MDGA2: variants seen among roughly 807,000 people sequenced by gnomAD.
The protein encoded by MDGA2 is MAM domain-containing glycosylphosphatidylinositol anchor protein 2.
Under a neutral mutation model 117.8 loss-of-function variants are expected in MDGA2, and 40 were observed. The ratio of observed to expected loss-of-function variants is 0.34; its 90% CI spans 0.26 to 0.44. The LOEUF is 0.44. Among genes scored for constraint, MDGA2 ranks in the 20% least tolerant of loss-of-function variants. The pLI, the probability that MDGA2 is intolerant of heterozygous loss-of-function variation, is 1.00. For missense variants in MDGA2, 1,123 were observed against 1,250.6 expected (o/e 0.90, Z 1.54); for synonymous variants, 452 against 439.0 (o/e 1.03, Z -0.37).
chr14:47,206,328 T>C (rs1439938013), intron 3 of MDGA2, among the ~76,000 whole-genome samples: 1 of 151,902 alleles, frequency 6.6e-6, no homozygotes, highest in Non-Finnish European at 1.5e-5. Flanking sequence ...TGGTGGCTCA[T>C]GCCTGTGATC....
At chr14:47,023,407 G>A (rs1318342810) in intron 8 of MDGA2, among the ~76,000 whole-genome samples, 2 of 152,056 alleles carry the variant, frequency 1.3e-5, no homozygotes, top group Middle Eastern at 3.2e-3. Flanking sequence ...CAACCTTAAG[G>A]AGTACTACTA....
chr14:47,274,730 T>C (rs1003445829), intron 2 of MDGA2, among the ~76,000 whole-genome samples: 4 of 152,158 alleles, frequency 2.6e-5, no homozygotes, highest in Non-Finnish European at 4.4e-5. Flanking sequence ...GCACTTGTTA[T>C]TGACCTTATT....
At chr14:47,602,379 C>T (rs929356816) in intron 1 of MDGA2, among the ~76,000 whole-genome samples, 2 of 152,024 alleles carry the variant, frequency 1.3e-5, no homozygotes, top group African/African-American at 2.4e-5. Context: ...ACAGCATTAA[C>T]TCTGATCAGA....
chr14:46,912,445 G>T (rs1346186194), intron 10 of MDGA2, among the ~76,000 whole-genome samples: 1 of 152,032 alleles, frequency 6.6e-6, no homozygotes, highest in Admixed American at 6.6e-5. Flanking sequence ...ACATATTGAA[G>T]AAAAAGTGTT....
At chr14:47,032,470 C>G (rs1279646596) in intron 8 of MDGA2, among the ~76,000 whole-genome samples, 1 of 151,906 alleles carries the variant, frequency 6.6e-6, no homozygotes, top group Non-Finnish European at 1.5e-5. Context: ...ACTTGTAGTC[C>G]CAGCTACTCA....
rs956015017 is a variant in MDGA2, at chr14:47,486,166, G to A, written c.281-184616C>T. On this transcript the variant is annotated intron_variant, in intron 1 of 16. Transcript: ENST00000399232. ...GGCTATACCCTGCAAAGCCACAGGG[G>A]CAGAGCTGACCAAGACTATGGGAAT... Among the ~76,000 whole-genome samples the A allele has an allele frequency of 1.3e-5, 2 of 152,216 alleles. 1 individual carries two copies. Among genetic ancestry groups the A allele is most frequent in the East Asian group, 3.9e-4 (2 of 5,186 alleles).
In MDGA2 at chr14:47,634,150, T is replaced by A. The variant is rs1594954344; in HGVS notation, c.280+40367A>T. ...TAAATATAAAAAGAAAAAAGCCAAATGCACCATTTGTTGTAATTTTTTGCT... is the reference window on the plus strand; with the variant it reads ...TAAATATAAAAAGAAAAAAGCCAAAAGCACCATTTGTTGTAATTTTTTGCT... On this transcript the variant is annotated intron_variant, in intron 1 of 16. Transcript: ENST00000399232. 2.0e-5 allele frequency among the ~76,000 whole-genome samples: 3 copies of A among 152,192 alleles called. No individual in the cohort carries two copies. The East Asian group carries it at 5.8e-4, about 29-fold the overall frequency.
chr14:47,384,158 C>T (rs188036796), intron 1 of MDGA2, among the ~76,000 whole-genome samples: 1 of 151,820 alleles, frequency 6.6e-6, no homozygotes, highest in East Asian at 1.9e-4. Context: ...TAAAATAGAA[C>T]CTGATAATCA....
rs550628792 is a variant in MDGA2, at chr14:46,918,718, A to C, written c.2238+1294T>G. 7.3e-5 allele frequency among the ~76,000 whole-genome samples: 11 copies of C among 151,234 alleles called. No individual in the cohort carries two copies. The South Asian group carries it at 2.3e-3, about 32-fold the overall frequency. ...GAAAAGCTCTTTCACTTTTTTGAGAATCTTAAACAGGGTGAATAAGAATAT... is the reference window on the plus strand; with the variant it reads ...GAAAAGCTCTTTCACTTTTTTGAGACTCTTAAACAGGGTGAATAAGAATAT... On this transcript the variant is annotated intron_variant, in intron 10 of 16. Coordinates refer to ENST00000399232, the MANE Select transcript of MDGA2 (RefSeq NM_001113498.3).
intron 1 of MDGA2, among the ~76,000 whole-genome samples, chr14:47,364,156 G>A (rs1431517222): frequency 3.3e-5 from 5 of 152,108 alleles, no homozygotes; most frequent in African/African-American, 1.2e-4. Context: ...TTTCCTCTGA[G>A]TTTATTGTTT....
chr14:46,935,044 G>C (rs868672543), intron 9 of MDGA2, among the ~76,000 whole-genome samples: 2 of 151,622 alleles, frequency 1.3e-5, no homozygotes. Context: ...AAAAAAAAAA[G>C]AGTTATGCCA....
intron 1 of MDGA2, among the ~76,000 whole-genome samples, chr14:47,502,155 G>C (rs1894412518): frequency 6.6e-6 from 1 of 152,074 alleles, no homozygotes; most frequent in Non-Finnish European, 1.5e-5. Context: ...TGTAGCCTCT[G>C]CTACTCAGGA....
At chr14:47,219,663 GA>G (rs1248838098) in intron 2 of MDGA2, among the ~76,000 whole-genome samples, 1 of 151,862 alleles carries the variant, frequency 6.6e-6, no homozygotes, top group East Asian at 1.9e-4. Flanking sequence ...TGTAACATTG[GA>G]AATGATATAA....
chr14:47,523,072 T>A (rs1310206838), intron 1 of MDGA2, among the ~76,000 whole-genome samples: 5 of 152,214 alleles, frequency 3.3e-5, no homozygotes, highest in Non-Finnish European at 5.9e-5. Flanking sequence ...TATTGTTGTG[T>A]ACATTTATAT....
At chr14:47,455,243 C>G (rs926422959) in intron 1 of MDGA2, among the ~76,000 whole-genome samples, 1 of 152,116 alleles carries the variant, frequency 6.6e-6, no homozygotes, top group Non-Finnish European at 1.5e-5. Context: ...CGGTGGCTCA[C>G]GCCTATAATC....
At chr14:46,959,212 T>G (rs1885683680) in intron 8 of MDGA2, among the ~76,000 whole-genome samples, 1 of 146,360 alleles carries the variant, frequency 6.8e-6, no homozygotes, top group African/African-American at 2.5e-5. Context: ...TATTGAATAT[T>G]TATCACTATA....
chr14:46,875,308 T>C (rs1385698796), intron 12 of MDGA2, among the ~76,000 whole-genome samples: 1 of 151,776 alleles, frequency 6.6e-6, no homozygotes, highest in African/African-American at 2.4e-5. Context: ...CTGAATTAAT[T>C]GAAAATTTTT....
At chr14:47,328,854 C>T (rs745794761) in intron 1 of MDGA2, among the ~76,000 whole-genome samples, 8 of 151,776 alleles carry the variant, frequency 5.3e-5, no homozygotes, top group Non-Finnish European at 1.0e-4. Context: ...ATTAAGATTG[C>T]GGAGAATATA....
chr14:47,149,978 C>T (rs1027867245), intron 3 of MDGA2, among the ~76,000 whole-genome samples: 6 of 152,228 alleles, frequency 3.9e-5, no homozygotes, highest in African/African-American at 1.2e-4. Flanking sequence ...CTTAGAAGCC[C>T]AACAATTCCA....
Sources: allele counts gnomAD v4.1 joint callset (sites outside exome capture counted in the v4.1 genomes callset), GRCh38; gene constraint gnomAD v4.1.1; transcripts MANE v1.5; gene names NCBI Gene and HGNC (gene_info 2026-07-23, HGNC 2026-07-21).